ZNF385D: variants seen among roughly 807,000 people sequenced by gnomAD.
ZNF385D encodes the protein zinc finger protein 659.
ZNF385D carries 15 observed loss-of-function variants against 35.8 expected under a neutral mutation model. That is an observed-to-expected ratio of 0.42 (90% CI 0.28 to 0.64). The LOEUF is 0.64. Among genes scored for constraint, ZNF385D ranks in the 30% least tolerant of loss-of-function variants. The pLI is 0.23. For missense variants in ZNF385D, 474 were observed against 494.6 expected, an observed-to-expected ratio of 0.96 and a Z score of 0.39; for synonymous variants, 212 against 186.8, an observed-to-expected ratio of 1.13 and a Z score of -1.10.
chr3:21,598,589 T>C (rs2064190937), intron 2 of ZNF385D, among the ~76,000 whole-genome samples: 1 of 152,166 alleles, frequency 6.6e-6, no homozygotes, highest in South Asian at 2.1e-4. Flanking sequence ...GACAAAAGGC[T>C]AGAGTCTCAA....
intron 2 of ZNF385D, among the ~76,000 whole-genome samples, chr3:22,224,553 A>G (rs1576523339): frequency 6.6e-6 from 1 of 152,216 alleles, no homozygotes; most frequent in Non-Finnish European, 1.5e-5. Context: ...CTGGCAAAGG[A>G]TAATGAAATG....
intron 4 of ZNF385D, among the ~76,000 whole-genome samples, chr3:21,438,264 C>T (rs1005751814): frequency 6.6e-6 from 1 of 152,136 alleles, no homozygotes; most frequent in African/African-American, 2.4e-5. Flanking sequence ...ACTTCCTCTC[C>T]AAAATATTCC....
chr3:21,983,176 T>TA (rs34349893), intron 3 of ZNF385D, among the ~76,000 whole-genome samples: 6 of 147,628 alleles, frequency 4.1e-5, no homozygotes, highest in East Asian at 2.0e-4. Flanking sequence ...TATTTTTTTT[T>TA]ATTATACTTT....
intron 3 of ZNF385D, among the ~76,000 whole-genome samples, chr3:21,557,770 G>T (rs1328856222): frequency 6.6e-6 from 1 of 152,096 alleles, no homozygotes; most frequent in African/African-American, 2.4e-5. Context: ...GGTAGAATTC[G>T]TCTGTGAATC....
At chr3:21,844,308 A>G (rs1695864138) in intron 3 of ZNF385D, among the ~76,000 whole-genome samples, 2 of 151,784 alleles carry the variant, frequency 1.3e-5, no homozygotes, top group African/African-American at 2.4e-5. Context: ...TTTTTATTAA[A>G]GGAAATTTAT....
chr3:21,889,018 A>C (rs375635673), intron 3 of ZNF385D, among the ~76,000 whole-genome samples: 1 of 152,250 alleles, frequency 6.6e-6, no homozygotes, highest in Admixed American at 6.5e-5. Context: ...TTCAGAGAGT[A>C]GACTGTGTGT....
chr3:21,712,328 A>C (rs1034673611), intron 1 of ZNF385D, among the ~76,000 whole-genome samples: 8 of 152,194 alleles, frequency 5.3e-5, no homozygotes, highest in Admixed American at 2.6e-4. Flanking sequence ...CATTTAAGCC[A>C]GGTGCCTTGC....
At chr3:21,765,744 C>CAG (rs77349056) in intron 3 of ZNF385D, among the ~76,000 whole-genome samples, 2 of 151,196 alleles carry the variant, frequency 1.3e-5, no homozygotes, top group Non-Finnish European at 3.0e-5. Context: ...GAGAGAGAGA[C>CAG]AGAGAGAGAG....
At chr3:22,240,653 A>ATGGGT (rs1699444263) in intron 2 of ZNF385D, among the ~76,000 whole-genome samples, 1 of 150,994 alleles carries the variant, frequency 6.6e-6, no homozygotes, top group African/African-American at 2.5e-5. Flanking sequence ...CAATTGACCC[A>ATGGGT]CAATTGCTGC....
chr3:21,443,027 C>G lies in ZNF385D; in HGVS notation c.440-5824G>C, dbSNP rs1040273598. 25 of 676,572 alleles carry G rather than the reference C, an allele frequency of 3.7e-5. No homozygotes were observed. In the Admixed American group the frequency reaches 1.6e-3, roughly 43 times the overall value. 41.9% of individuals were successfully genotyped at this position (676,572 alleles called of 1,614,324 possible). On this transcript the variant is annotated intron_variant, in intron 4 of 7. Transcript: ENST00000281523. ...CAAATCACAAAAATGTATGTCTAAG[C>G]AGAAAAAGTCCCCCTGCTCTGAATT...
At chr3:21,468,653 C>T (rs780421804) in intron 4 of ZNF385D, among the ~76,000 whole-genome samples, 4 of 151,426 alleles carry the variant, frequency 2.6e-5, no homozygotes, top group African/African-American at 7.3e-5. Flanking sequence ...GGGCAGGGGG[C>T]GGTGGCTCAC....
intron 3 of ZNF385D, among the ~76,000 whole-genome samples, chr3:21,802,739 T>C (rs931824881): frequency 3.3e-5 from 5 of 152,164 alleles, no homozygotes; most frequent in African/African-American, 7.2e-5. Flanking sequence ...TCTCTGAGCC[T>C]TTGTCTTTGA....
chr3:21,669,208 T>G (rs943555696), intron 1 of ZNF385D, among the ~76,000 whole-genome samples: 2 of 152,206 alleles, frequency 1.3e-5, no homozygotes, highest in African/African-American at 4.8e-5. Context: ...ATTTGTTGTG[T>G]GACATTAAAG....
Position 21,421,076 on chromosome 3 carries a change from C to T in ZNF385D, c.*138G>A. 3 of 197,468 alleles carry T rather than the reference C, an allele frequency of 1.5e-5. No homozygotes were observed. The highest frequency in any genetic ancestry group is 1.0e-4 in the South Asian group (1 of 9,678). The allele number at this position is 197,468 out of a possible 1,614,324, so 12.2% of individuals were successfully genotyped here. Reference sequence around the variant, plus strand: ...CAAACCTCCCCCACTTTTTTATAACCTTTTCAATTCACTATCAAAAGTCCT... The same window carrying T: ...CAAACCTCCCCCACTTTTTTATAACTTTTTCAATTCACTATCAAAAGTCCT... On this transcript the variant is annotated 3_prime_UTR_variant, in exon 8 of 8. Transcript: ENST00000281523.
At chr3:21,443,091 G>A in intron 4 of ZNF385D, 5 of 974,226 alleles carry the variant, frequency 5.1e-6, no homozygotes, top group Non-Finnish European at 6.1e-6. Flanking sequence ...GCTGTAGAAA[G>A]TGCTTTAAAC....
chr3:21,428,418 G>A (rs1304513798), intron 5 of ZNF385D, among the ~76,000 whole-genome samples: 2 of 152,054 alleles, frequency 1.3e-5, no homozygotes, highest in Non-Finnish European at 2.9e-5. Flanking sequence ...AAAGAAAGGA[G>A]ATTTCTAGCT....
At chr3:21,735,743 G>C (rs1307593571) in intron 1 of ZNF385D, among the ~76,000 whole-genome samples, 1 of 152,204 alleles carries the variant, frequency 6.6e-6, no homozygotes, top group Non-Finnish European at 1.5e-5. Context: ...ATAGTACAAA[G>C]AGACAGCAGG....
At chr3:22,224,985 C>G (rs773415737) in intron 2 of ZNF385D, among the ~76,000 whole-genome samples, 5 of 152,128 alleles carry the variant, frequency 3.3e-5, no homozygotes, top group Non-Finnish European at 7.4e-5. Flanking sequence ...TGAAAACACA[C>G]CATGTTCCTA....
intron 3 of ZNF385D, among the ~76,000 whole-genome samples, chr3:22,144,970 C>T (rs1360522861): frequency 6.6e-6 from 1 of 151,116 alleles, no homozygotes; most frequent in African/African-American, 2.4e-5. Flanking sequence ...TAATCATAAT[C>T]AAGACAGAGC....
Sources: allele counts gnomAD v4.1 joint callset (sites outside exome capture counted in the v4.1 genomes callset), GRCh38; gene constraint gnomAD v4.1.1; transcripts MANE v1.5; gene names NCBI Gene and HGNC (gene_info 2026-07-23, HGNC 2026-07-21).